Variants in GNA14 observed in about 807,000 individuals in gnomAD.
GNA14 encodes G protein subunit alpha 14.
GNA14 carries 50 observed loss-of-function variants against 42.0 expected under a neutral mutation model. That is an observed-to-expected ratio of 1.19 (90% confidence interval 0.95 to 1.51). The LOEUF (loss-of-function observed/expected upper bound fraction) is 1.51. Among genes scored for constraint, GNA14 ranks in the 40% most tolerant of loss-of-function variants. The pLI is 0.00. For synonymous variants in GNA14, 173 were observed against 163.1 expected, an observed-to-expected ratio of 1.06 and a Z score of -0.46; for missense variants, 473 against 446.2, an observed-to-expected ratio of 1.06 and a Z score of -0.54.
intron 2 of GNA14, among the ~76,000 whole-genome samples, chr9:77,437,216 T>G (rs1426597194): frequency 6.6e-6 from 1 of 152,210 alleles, no homozygotes; most frequent in Non-Finnish European, 1.5e-5. Flanking sequence ...TCAGGGTGAA[T>G]GAAATGTGAG....
At chr9:77,489,784 C>G (rs61572058) in intron 2 of GNA14, among the ~76,000 whole-genome samples, 4,111 of 152,188 alleles carry the variant, frequency 0.027, 187 homozygotes, top group African/African-American at 0.094. Context: ...AGGACTGAAG[C>G]TGCAGATCTT....
chr9:77,605,423 C>A (rs1823631529), intron 1 of GNA14, among the ~76,000 whole-genome samples: 1 of 152,180 alleles, frequency 6.6e-6, no homozygotes, highest in South Asian at 2.1e-4. Context: ...GAGAAAATGA[C>A]AGAGGCAGGA....
chr9:77,636,958 G>T (rs1486176376), intron 1 of GNA14, among the ~76,000 whole-genome samples: 1 of 152,174 alleles, frequency 6.6e-6, no homozygotes, highest in African/African-American at 2.4e-5. Flanking sequence ...TCCATTAATA[G>T]AAGCATAACT....
intron 1 of GNA14, among the ~76,000 whole-genome samples, chr9:77,579,462 G>T (rs1823181181): frequency 1.3e-5 from 2 of 152,136 alleles, no homozygotes; most frequent in Admixed American, 6.6e-5. Flanking sequence ...ATCAGTCAAT[G>T]ACCTTGAGGC....
chr9:77,490,269 G>A (rs1177770120), intron 2 of GNA14, among the ~76,000 whole-genome samples: 1 of 152,270 alleles, frequency 6.6e-6, no homozygotes, highest in East Asian at 1.9e-4. Context: ...CCCTGAGCTA[G>A]ATATAAAGAC....
chr9:77,583,970 G>A (rs899539571), intron 1 of GNA14, among the ~76,000 whole-genome samples: 1 of 152,120 alleles, frequency 6.6e-6, no homozygotes, highest in Non-Finnish European at 1.5e-5. Flanking sequence ...CTGAATTTTA[G>A]GTTATATTTG....
chr9:77,428,309 G>C (rs1835488016), intron 5 of GNA14, among the ~76,000 whole-genome samples: 1 of 151,958 alleles, frequency 6.6e-6, no homozygotes, highest in Non-Finnish European at 1.5e-5. Context: ...TCGATCTCCT[G>C]ACCTCGTGAT....
chr9:77,636,821 A>C (rs1443376047), intron 1 of GNA14, among the ~76,000 whole-genome samples: 2 of 152,216 alleles, frequency 1.3e-5, no homozygotes, highest in Non-Finnish European at 2.9e-5. Context: ...AATTTTCAAC[A>C]TGAGATTTGA....
chr9:77,486,589 T>C (rs1836664290), intron 2 of GNA14, among the ~76,000 whole-genome samples: 1 of 152,254 alleles, frequency 6.6e-6, no homozygotes, highest in South Asian at 2.1e-4. Context: ...CTAAGCTTAA[T>C]CATTTCTAGC....
At chr9:77,541,101 T>C (rs1837655398) in intron 1 of GNA14, among the ~76,000 whole-genome samples, 1 of 152,100 alleles carries the variant, frequency 6.6e-6, no homozygotes, top group Non-Finnish European at 1.5e-5. Context: ...TCTTCCTCAT[T>C]TGTGTGTTTG....
intron 1 of GNA14, among the ~76,000 whole-genome samples, chr9:77,580,048 C>T (rs1001037892): frequency 3.3e-5 from 5 of 152,188 alleles, no homozygotes; most frequent in South Asian, 2.1e-4. Context: ...CTTCCTTCCA[C>T]TCTCATTTAA....
intron 1 of GNA14, among the ~76,000 whole-genome samples, chr9:77,600,643 C>A (rs1310726620): frequency 6.6e-6 from 1 of 152,170 alleles, no homozygotes; most frequent in African/African-American, 2.4e-5. Flanking sequence ...TAGGGCCGGA[C>A]GCAGTGGCTC....
At chr9:77,586,442 G>C (rs557790094) in intron 1 of GNA14, among the ~76,000 whole-genome samples, 6 of 152,324 alleles carry the variant, frequency 3.9e-5, no homozygotes, top group African/African-American at 1.4e-4. Flanking sequence ...AATTCAGAGT[G>C]AGGTGCTACT....
intron 1 of GNA14, among the ~76,000 whole-genome samples, chr9:77,618,599 TATATATATA>T (rs1366930426): frequency 8.5e-5 from 1 of 11,710 alleles, no homozygotes; most frequent in African/African-American, 2.5e-4. Flanking sequence ...TATATATATA[TATATATATA>T]TATATATATA....
At chr9:77,450,248 C>T (rs1230469572) in intron 2 of GNA14, among the ~76,000 whole-genome samples, 1 of 152,102 alleles carries the variant, frequency 6.6e-6, no homozygotes, top group Non-Finnish European at 1.5e-5. Context: ...AGGGGGCTGG[C>T]TCTGCCTGTG....
chr9:77,497,205 C>G (rs964251121), intron 2 of GNA14, among the ~76,000 whole-genome samples: 5 of 152,190 alleles, frequency 3.3e-5, no homozygotes, highest in African/African-American at 1.2e-4. Flanking sequence ...CTGGCCTTGT[C>G]CCCAACTCCA....
chr9:77,478,266 G>C (rs1207201869), intron 2 of GNA14, among the ~76,000 whole-genome samples: 3 of 151,372 alleles, frequency 2.0e-5, no homozygotes, highest in Non-Finnish European at 2.9e-5. Context: ...CTATGAGTGA[G>C]AACATGCGGT....
At chr9:77,487,991 G>C (rs779681382) in intron 2 of GNA14, among the ~76,000 whole-genome samples, 155 of 151,874 alleles carry the variant, frequency 1.0e-3, no homozygotes, top group Non-Finnish European at 8.4e-4. Flanking sequence ...TTGATACCAG[G>C]ACCATCATCT....
At chr9:77,611,083 C>A (rs983181898) in intron 1 of GNA14, among the ~76,000 whole-genome samples, 11 of 152,114 alleles carry the variant, frequency 7.2e-5, no homozygotes, top group African/African-American at 2.7e-4. Context: ...ATTCTAGTTA[C>A]ATTTGTTTTA....
Sources: allele counts gnomAD v4.1 joint callset (sites outside exome capture counted in the v4.1 genomes callset), GRCh38; gene constraint gnomAD v4.1.1; transcripts MANE v1.5; gene names NCBI Gene and HGNC (gene_info 2026-07-23, HGNC 2026-07-21).